The following PPP1R1C variants were observed in gnomAD, a reference collection of about 807,000 sequenced individuals.
The protein encoded by PPP1R1C is protein phosphatase 1 regulatory subunit 1C.
A neutral mutation model predicts 17.4 loss-of-function variants in PPP1R1C; 15 were observed. The observed-to-expected ratio is 0.86, with a 90% CI of 0.58 to 1.33. The LOEUF is 1.33. Ranked by LOEUF, PPP1R1C falls within the 40% of genes most tolerant of loss-of-function variation. PPP1R1C has a pLI of 0.00. For missense variants in PPP1R1C, 143 were observed against 130.0 expected, an observed-to-expected ratio of 1.10 and a Z score of -0.48; for synonymous variants, 35 against 43.1, an observed-to-expected ratio of 0.81 and a Z score of 0.73.
rs1238368897 is a variant in PPP1R1C at position 181,991,083 on chromosome 2, A to G, written c.142+3184A>G. Among the ~76,000 whole-genome samples, 3 of 151,266 alleles carry G rather than the reference A, an allele frequency of 2.0e-5. No individual in the cohort carries two copies. The Admixed American group carries it at 2.0e-4, about 10-fold the overall frequency. ...TCATATGACAAGATCAGTGTACTGC[A>G]ATCACTGTTAAATGGATTAGACATA... On this transcript the variant is annotated intron_variant, in intron 2 of 4. Coordinates refer to ENST00000682840, the MANE Select transcript of PPP1R1C (RefSeq NM_001080545.3).
chr2:182,071,965 G>C (rs745957677), intron 4 of PPP1R1C, among the ~76,000 whole-genome samples: 5 of 152,136 alleles, frequency 3.3e-5, no homozygotes, highest in Non-Finnish European at 7.4e-5. Context: ...CCTAGAACCA[G>C]CCTTTTCTCC....
downstream of PPP1R1C, among the ~76,000 whole-genome samples, chr2:182,120,337 A>G (rs954458025): frequency 1.3e-5 from 2 of 152,154 alleles, no homozygotes; most frequent in African/African-American, 4.8e-5. Context: ...AGAGACACAA[A>G]AAACCCTTCA....
intron 2 of PPP1R1C, among the ~76,000 whole-genome samples, chr2:182,022,659 A>G (rs921561655): frequency 6.6e-6 from 1 of 152,252 alleles, no homozygotes; most frequent in Non-Finnish European, 1.5e-5. Context: ...AGGAGACAAT[A>G]AAACCCTGAA....
chr2:182,046,310 TC>T (rs1477540759), intron 2 of PPP1R1C, among the ~76,000 whole-genome samples: 1 of 152,120 alleles, frequency 6.6e-6, no homozygotes, highest in Non-Finnish European at 1.5e-5. Flanking sequence ...ATCATCCCAT[TC>T]CCCCTGCCCT....
At chr2:182,085,499 C>A (rs890266928) in intron 4 of PPP1R1C, among the ~76,000 whole-genome samples, 1 of 152,024 alleles carries the variant, frequency 6.6e-6, no homozygotes, top group Non-Finnish European at 1.5e-5. Context: ...AGCCCCCATT[C>A]GAGTATGAAC....
chr2:182,058,262 G>T (rs1687747653), intron 2 of PPP1R1C, among the ~76,000 whole-genome samples: 1 of 152,018 alleles, frequency 6.6e-6, no homozygotes, highest in Non-Finnish European at 1.5e-5. Flanking sequence ...GTTTTGAAGA[G>T]TACTAGTCAG....
intron 4 of PPP1R1C, among the ~76,000 whole-genome samples, chr2:182,113,195 G>T (rs1478681949): frequency 6.6e-6 from 1 of 152,142 alleles, no homozygotes; most frequent in Non-Finnish European, 1.5e-5. Flanking sequence ...CAAACATAAA[G>T]AATTTGGGAA....
chr2:182,089,717 C>T (rs1246600171), intron 4 of PPP1R1C, among the ~76,000 whole-genome samples: 1 of 152,012 alleles, frequency 6.6e-6, no homozygotes, highest in Non-Finnish European at 1.5e-5. Flanking sequence ...GGGTAGTTTC[C>T]TTTATTCACA....
intron 2 of PPP1R1C, among the ~76,000 whole-genome samples, chr2:182,040,128 C>G (rs566087111): frequency 1.3e-5 from 2 of 152,238 alleles, no homozygotes; most frequent in African/African-American, 4.8e-5. Context: ...CATGTGGGTG[C>G]TTTTTGATAT....
At chr2:182,083,396 C>G (rs1028228759) in intron 4 of PPP1R1C, among the ~76,000 whole-genome samples, 2 of 152,070 alleles carry the variant, frequency 1.3e-5, no homozygotes, top group African/African-American at 2.4e-5. Context: ...TTAGCTCTCA[C>G]CCCTCTCTCA....
chr2:182,068,447 C>T (rs1688050849), intron 4 of PPP1R1C, among the ~76,000 whole-genome samples: 1 of 152,154 alleles, frequency 6.6e-6, no homozygotes, highest in Non-Finnish European at 1.5e-5. Flanking sequence ...GCTTTGTTTT[C>T]ATCCCAGTGA....
chr2:182,130,627 AGCCTTG>A (rs2125245079), downstream of PPP1R1C: 1 of 152,288 alleles, frequency 6.6e-6, no homozygotes, highest in Admixed American at 6.5e-5. Context: ...CATTTTTCAA[AGCCTTG>A]CAGTAGATGA....
At chr2:182,075,873 C>T (rs1436480421) in intron 4 of PPP1R1C, among the ~76,000 whole-genome samples, 1 of 152,044 alleles carries the variant, frequency 6.6e-6, no homozygotes, top group Non-Finnish European at 1.5e-5. Flanking sequence ...ACTTACAGTA[C>T]TTCTGTGAAA....
At chr2:182,057,895 A>G (rs1164745273) in intron 2 of PPP1R1C, among the ~76,000 whole-genome samples, 1 of 152,060 alleles carries the variant, frequency 6.6e-6, no homozygotes, top group Non-Finnish European at 1.5e-5. Flanking sequence ...ATTTGGATTT[A>G]GTGATTTTTT....
intron 4 of PPP1R1C, among the ~76,000 whole-genome samples, chr2:182,088,497 T>C (rs1688693432): frequency 6.6e-6 from 1 of 152,178 alleles, no homozygotes; most frequent in African/African-American, 2.4e-5. Context: ...CAGCCCCATA[T>C]GTGGAGTTTG....
chr2:182,021,838 G>C (rs1559059539), intron 2 of PPP1R1C, among the ~76,000 whole-genome samples: 1 of 152,190 alleles, frequency 6.6e-6, no homozygotes, highest in African/African-American at 2.4e-5. Context: ...AAAACAGAAA[G>C]TGGTCATTTT....
At chr2:181,956,166 G>T (rs1684667010) in intron 1 of PPP1R1C, among the ~76,000 whole-genome samples, 1 of 152,124 alleles carries the variant, frequency 6.6e-6, no homozygotes, top group African/African-American at 2.4e-5. Flanking sequence ...TTCTGTTCTT[G>T]TGTTAGTTTG....
chr2:182,084,659 A>G (rs183844208), intron 4 of PPP1R1C, among the ~76,000 whole-genome samples: 5 of 152,274 alleles, frequency 3.3e-5, no homozygotes, highest in Non-Finnish European at 7.4e-5. Flanking sequence ...TGTTTTGGTT[A>G]CTATAGCCTT....
chr2:182,094,241 G>C (rs1217409355), intron 4 of PPP1R1C, among the ~76,000 whole-genome samples: 2 of 152,066 alleles, frequency 1.3e-5, no homozygotes, highest in Non-Finnish European at 2.9e-5. Flanking sequence ...AACCATCAGA[G>C]ACCCATTTGC....
Sources: allele counts gnomAD v4.1 joint callset (sites outside exome capture counted in the v4.1 genomes callset), GRCh38; gene constraint gnomAD v4.1.1; transcripts MANE v1.5; gene names NCBI Gene and HGNC (gene_info 2026-07-23, HGNC 2026-07-21).